The following PKIB variants were observed in gnomAD, a reference collection of about 807,000 sequenced individuals.
The protein encoded by PKIB is PKI-beta.
Under a neutral mutation model 4.5 loss-of-function variants are expected in PKIB, and 2 were observed. The observed-to-expected ratio is 0.44, with a 90% CI of 0.18 to 1.39. The LOEUF is 1.39. Ranked by LOEUF, PKIB falls within the 40% of genes most tolerant of loss-of-function variation. PKIB has a pLI of 0.27. For synonymous variants in PKIB, 38 were observed against 36.0 expected, an observed-to-expected ratio of 1.06 and a Z score of -0.20; for missense variants, 94 against 92.6, an observed-to-expected ratio of 1.02 and a Z score of -0.06.
intron 2 of PKIB, among the ~76,000 whole-genome samples, chr6:122,517,566 G>A (rs1423005499): frequency 6.6e-6 from 1 of 152,218 alleles, no homozygotes; most frequent in Non-Finnish European, 1.5e-5. Flanking sequence ...AGTCTAAAGT[G>A]TTGTCTAACC....
At chr6:122,701,251 C>T (rs1778801817) in intron 3 of PKIB, 2 of 500,844 alleles carry the variant, frequency 4.0e-6, no homozygotes, top group Middle Eastern at 5.1e-4. Context: ...TCCCACAAAC[C>T]TCACACAGGG....
intron 2 of PKIB, among the ~76,000 whole-genome samples, chr6:122,550,269 A>AGT (rs1772635948): frequency 2.7e-5 from 4 of 148,530 alleles, no homozygotes; most frequent in Admixed American, 1.3e-4. Flanking sequence ...CTAATATGAA[A>AGT]GTCTAGTCTA....
At chr6:122,489,628 G>A (rs1775881470) in intron 2 of PKIB, among the ~76,000 whole-genome samples, 2 of 152,246 alleles carry the variant, frequency 1.3e-5, no homozygotes, top group Non-Finnish European at 2.9e-5. Context: ...CCATTTGTAA[G>A]AGGTTTCTTT....
chr6:122,626,087 T>C (rs1302948701), intron 1 of PKIB, among the ~76,000 whole-genome samples: 1 of 151,870 alleles, frequency 6.6e-6, no homozygotes, highest in African/African-American at 2.4e-5. Flanking sequence ...GATAGATAGA[T>C]AGATAGATAG....
chr6:122,509,440 T>G (rs1047079492), intron 2 of PKIB, among the ~76,000 whole-genome samples: 3 of 152,044 alleles, frequency 2.0e-5, no homozygotes, highest in African/African-American at 7.2e-5. Flanking sequence ...ATTGTCTTTT[T>G]TTTTTTTTAA....
intron 3 of PKIB, among the ~76,000 whole-genome samples, chr6:122,703,945 G>T (rs77965372): frequency 0.21 from 18,407 of 86,102 alleles, 1,230 homozygotes; most frequent in African/African-American, 0.27. Context: ...TATATATAGA[G>T]AGAGAGAGAG....
At chr6:122,718,058 C>T (rs1582844106) in intron 4 of PKIB, 95 bp downstream of exon 4, 2 of 1,217,720 alleles carry the variant, frequency 1.6e-6, no homozygotes, top group Non-Finnish European at 2.3e-6. Flanking sequence ...GTTAAAAGTG[C>T]TCAGTTTCCT....
chr6:122,673,894 A>G (rs913149085), intron 2 of PKIB, among the ~76,000 whole-genome samples: 3 of 152,234 alleles, frequency 2.0e-5, no homozygotes, highest in Non-Finnish European at 4.4e-5. Context: ...TTTAGAGCAC[A>G]TAGGAAGGAA....
At chr6:122,691,207 G>C (rs1461265318) in intron 3 of PKIB, among the ~76,000 whole-genome samples, 2 of 151,730 alleles carry the variant, frequency 1.3e-5, no homozygotes, top group Non-Finnish European at 2.9e-5. Context: ...TAACCTTCCT[G>C]TACTTAGATA....
At chr6:122,516,802 G>T (rs1331714738) in intron 2 of PKIB, among the ~76,000 whole-genome samples, 1 of 152,166 alleles carries the variant, frequency 6.6e-6, no homozygotes, top group Non-Finnish European at 1.5e-5. Flanking sequence ...AATAAATTAG[G>T]GAGAAGAGAC....
At chr6:122,697,984 G>T (rs1401403554) in intron 3 of PKIB, among the ~76,000 whole-genome samples, 2 of 152,094 alleles carry the variant, frequency 1.3e-5, no homozygotes, top group Non-Finnish European at 2.9e-5. Flanking sequence ...AGACCCTTAG[G>T]CAATGGTCTA....
At chr6:122,509,224 A>C (rs1005751373) in intron 2 of PKIB, among the ~76,000 whole-genome samples, 6 of 152,156 alleles carry the variant, frequency 3.9e-5, no homozygotes, top group Admixed American at 1.3e-4. Flanking sequence ...TTTTTGGAAG[A>C]ACCCATGTAG....
chr6:122,712,383 A>G (rs1779305398), intron 3 of PKIB, among the ~76,000 whole-genome samples: 1 of 152,126 alleles, frequency 6.6e-6, no homozygotes, highest in African/African-American at 2.4e-5. Flanking sequence ...CCTTTTTTGG[A>G]AGAGGTTCGT....
intron 2 of PKIB, among the ~76,000 whole-genome samples, chr6:122,658,011 G>A (rs1043451120): frequency 5.9e-5 from 9 of 152,070 alleles, no homozygotes; most frequent in African/African-American, 2.2e-4. Context: ...ATATCATGTT[G>A]ATTAAGATAT....
intron 3 of PKIB, among the ~76,000 whole-genome samples, chr6:122,706,734 A>G (rs755007643): frequency 2.0e-5 from 3 of 152,190 alleles, no homozygotes; most frequent in African/African-American, 7.2e-5. Flanking sequence ...CTTTAAAACA[A>G]TGCATGCTTA....
chr6:122,634,549 C>T (rs1395211830), intron 2 of PKIB, among the ~76,000 whole-genome samples: 1 of 151,922 alleles, frequency 6.6e-6, no homozygotes, highest in African/African-American at 2.4e-5. Context: ...AGTTCTTCTC[C>T]CCCTCTCAGA....
intron 3 of PKIB, among the ~76,000 whole-genome samples, chr6:122,684,923 T>A (rs1365989235): frequency 3.3e-5 from 5 of 152,182 alleles, no homozygotes; most frequent in African/African-American, 4.8e-5. Flanking sequence ...CAAGGTCAGA[T>A]ACACATGTGA....
intron 1 of PKIB, among the ~76,000 whole-genome samples, chr6:122,629,929 G>A (rs1342437149): frequency 3.3e-5 from 5 of 152,122 alleles, no homozygotes; most frequent in Non-Finnish European, 7.4e-5. Flanking sequence ...CCGTAAGGGC[G>A]TCAGATAAAA....
intron 3 of PKIB, among the ~76,000 whole-genome samples, chr6:122,586,641 C>G (rs1315929388): frequency 6.6e-6 from 1 of 152,112 alleles, no homozygotes; most frequent in Non-Finnish European, 1.5e-5. Context: ...TGAGAAAGTC[C>G]TTTCCCTGTA....
Sources: gnomAD v4.1 joint callset for allele counts (sites outside exome capture counted in the v4.1 genomes callset) on GRCh38, gnomAD v4.1.1 for gene constraint, MANE v1.5 for transcripts, NCBI Gene and HGNC (gene_info 2026-07-23, HGNC 2026-07-21) for gene names.